The following GPC3 variants were observed in gnomAD, a reference collection of about 807,000 sequenced individuals.
GPC3 encodes glypican 3.
A neutral mutation model predicts 34.4 loss-of-function variants in GPC3; 3 were observed. The ratio of observed to expected loss-of-function variants is 0.09; its 90% CI spans 0.04 to 0.23. GPC3 has a LOEUF of 0.23. Ranked by LOEUF, GPC3 falls within the 10% of genes least tolerant of loss-of-function variation. The pLI is 1.00. For synonymous variants in GPC3, 177 were observed against 174.0 expected, an observed-to-expected ratio of 1.02 and a Z score of -0.13; for missense variants, 351 against 445.6, an observed-to-expected ratio of 0.79 and a Z score of 1.91.
chrX:133,570,557 C>T (rs2069620045), intron 7 of GPC3, among the ~76,000 whole-genome samples: 1 of 112,504 alleles, frequency 8.9e-6, no homozygotes, highest in Non-Finnish European at 1.9e-5. Context: ...ATGGGCACAT[C>T]TGTGGACGAC....
At chrX:133,576,443 T>C (rs1438544495) in intron 7 of GPC3, among the ~76,000 whole-genome samples, 1 of 111,011 alleles carries the variant, frequency 9.0e-6, no homozygotes, top group African/African-American at 3.3e-5. Context: ...TTTCACCATG[T>C]TGGCCAGGCT....
intron 2 of GPC3, among the ~76,000 whole-genome samples, chrX:133,863,879 T>C (rs1445244996): frequency 9.4e-6 from 1 of 106,215 alleles, no homozygotes; most frequent in Non-Finnish European, 1.9e-5. Flanking sequence ...ATGGTCTCGA[T>C]CTCCTGACCT....
At chrX:133,662,084 A>T (rs2070733527) in intron 5 of GPC3, among the ~76,000 whole-genome samples, 1 of 111,536 alleles carries the variant, frequency 9.0e-6, no homozygotes, top group African/African-American at 3.3e-5. Context: ...TACAACAATG[A>T]ACAAGACAGA....
chrX:133,915,528 A>G (rs763940432), intron 2 of GPC3, among the ~76,000 whole-genome samples: 10 of 112,181 alleles, frequency 8.9e-5, no homozygotes, highest in Non-Finnish European at 1.5e-4. Flanking sequence ...GACACTTCCA[A>G]TGAAAATTCA....
At chrX:133,883,826 C>T (rs987165551) in intron 2 of GPC3, among the ~76,000 whole-genome samples, 6 of 111,832 alleles carry the variant, frequency 5.4e-5, no homozygotes, top group African/African-American at 9.7e-5. Flanking sequence ...ACACTGCAAC[C>T]GTAATATACT....
chrX:133,854,971 C>CTA (rs1404093075), intron 2 of GPC3, among the ~76,000 whole-genome samples: 3 of 111,887 alleles, frequency 2.7e-5, no homozygotes, highest in African/African-American at 9.8e-5. Context: ...AAGTATAGAA[C>CTA]TATATATATA....
intron 2 of GPC3, among the ~76,000 whole-genome samples, chrX:133,920,337 G>A (rs769510687): frequency 9.0e-6 from 1 of 111,092 alleles, no homozygotes; most frequent in South Asian, 3.9e-4. Context: ...TTCTTCTGGA[G>A]GATGATTTAA....
intron 2 of GPC3, among the ~76,000 whole-genome samples, chrX:133,874,463 T>G (rs2076006960): frequency 8.9e-6 from 1 of 112,040 alleles, no homozygotes; most frequent in Non-Finnish European, 1.9e-5. Context: ...ACCATCCTAC[T>G]TTTCCTTTTT....
At position 133,694,015 on chromosome X, in the gene GPC3, A is replaced by G. The variant is rs1018228622; in HGVS notation, c.1167-1521T>C. 3.6e-5 allele frequency among the ~76,000 whole-genome samples: 4 copies of G among 111,006 alleles called. No individual in the cohort carries two copies. In the Admixed American group the frequency reaches 3.8e-4, roughly 11 times the overall value. On this transcript the variant is annotated intron_variant, in intron 4 of 7. Transcript: ENST00000370818. ...CCTTTTCTCCACCATGTTTTCACAC[A>G]GTATGAGGCCTTCTAAATGAAGGCC...
intron 3 of GPC3, among the ~76,000 whole-genome samples, chrX:133,746,147 T>C (rs1422866861): frequency 8.9e-6 from 1 of 112,182 alleles, no homozygotes; most frequent in Non-Finnish European, 1.9e-5. Flanking sequence ...CTGTCCTTCA[T>C]CTCTGACTCA....
intron 7 of GPC3, among the ~76,000 whole-genome samples, chrX:133,556,189 T>C (rs777728538): frequency 1.8e-5 from 2 of 111,790 alleles, no homozygotes; most frequent in African/African-American, 3.3e-5. Context: ...CTTGATAGAG[T>C]TCTTTTATTT....
chrX:133,914,705 A>G (rs1368335034), intron 2 of GPC3, among the ~76,000 whole-genome samples: 1 of 110,069 alleles, frequency 9.1e-6, no homozygotes, highest in Non-Finnish European at 1.9e-5. Context: ...GTTAGCACTT[A>G]GTTAACAATC....
intron 3 of GPC3, among the ~76,000 whole-genome samples, chrX:133,730,981 C>T (rs1284623392): frequency 8.9e-6 from 1 of 111,844 alleles, no homozygotes; most frequent in East Asian, 2.8e-4. Context: ...TTCCAGATGT[C>T]GTTCTCTACT....
chrX:133,701,848 G>A (rs1401668925), intron 3 of GPC3, among the ~76,000 whole-genome samples: 1 of 110,301 alleles, frequency 9.1e-6, no homozygotes, highest in Non-Finnish European at 1.9e-5. Flanking sequence ...ATAAATTCTC[G>A]AATTAGAAAA....
chrX:133,849,342 C>T (rs1212522741), intron 2 of GPC3, among the ~76,000 whole-genome samples: 1 of 110,622 alleles, frequency 9.0e-6, no homozygotes, highest in Non-Finnish European at 1.9e-5. Flanking sequence ...TAAATGAGTT[C>T]ACTGAAGTTC....
intron 6 of GPC3, among the ~76,000 whole-genome samples, chrX:133,647,452 C>T (rs1318845811): frequency 8.9e-6 from 1 of 112,420 alleles, no homozygotes; most frequent in Non-Finnish European, 1.9e-5. Flanking sequence ...CAGGTCAGCT[C>T]CTTGTCAGCA....
chrX:133,864,510 C>T (rs906216339), intron 2 of GPC3, among the ~76,000 whole-genome samples: 4 of 111,604 alleles, frequency 3.6e-5, no homozygotes, highest in African/African-American at 9.8e-5. Context: ...ACTCCCATCA[C>T]CTCTCCTTTC....
intron 5 of GPC3, among the ~76,000 whole-genome samples, chrX:133,687,581 C>G (rs1014487722): frequency 9.4e-6 from 1 of 106,411 alleles, no homozygotes; most frequent in Admixed American, 1.0e-4. Context: ...CCACGACACC[C>G]GGATAATTTT....
chrX:133,631,314 G>A lies in GPC3; in HGVS notation c.1413+30416C>T, dbSNP rs149320205. 4.1e-3 allele frequency among the ~76,000 whole-genome samples: 463 copies of A among 111,666 alleles called. 2 individuals are homozygous for A. Among genetic ancestry groups the A allele is most frequent in the African/African-American group, 0.014 (441 of 30,778 alleles). On this transcript the variant is annotated intron_variant, in intron 6 of 7. Transcript: ENST00000370818. Reference sequence around the variant, plus strand: ...CTCTGCTTCCTATTTCTATGAGTTTGACTACTCTAGATATCTTATATAAGT... The same window carrying A: ...CTCTGCTTCCTATTTCTATGAGTTTAACTACTCTAGATATCTTATATAAGT...
Sources: gnomAD v4.1 joint callset for allele counts (sites outside exome capture counted in the v4.1 genomes callset) on GRCh38, gnomAD v4.1.1 for gene constraint, MANE v1.5 for transcripts, NCBI Gene and HGNC (gene_info 2026-07-23, HGNC 2026-07-21) for gene names.